PIAS1: variants seen among roughly 807,000 people sequenced by gnomAD.
The protein encoded by PIAS1 is E3 SUMO-protein ligase PIAS1.
A neutral mutation model predicts 71.3 loss-of-function variants in PIAS1; 6 were observed. The ratio of observed to expected loss-of-function variants is 0.08; its 90% CI spans 0.05 to 0.17. PIAS1 has a LOEUF of 0.17. Ranked by LOEUF, PIAS1 falls within the 10% of genes least tolerant of loss-of-function variation. PIAS1 has a pLI of 1.00. For synonymous variants in PIAS1, 303 were observed against 292.9 expected (o/e 1.03, Z -0.35); for missense variants, 555 against 793.6 (o/e 0.70, Z 3.61).
At chr15:68,159,719 T>G (rs1194136335) in intron 7 of PIAS1, among the ~76,000 whole-genome samples, 1 of 152,192 alleles carries the variant, frequency 6.6e-6, no homozygotes, top group East Asian at 1.9e-4. Flanking sequence ...TCTGATAAAT[T>G]GATGGACATT....
At position 68,191,613 on chromosome 15, in the gene PIAS1, AG is replaced by A. The variant is rs1299263088; in HGVS notation, c.*3780del. 6.6e-6 allele frequency: 1 copy of A among 152,668 alleles called. No homozygotes were observed. Among genetic ancestry groups the A allele is most frequent in the Non-Finnish European group, 1.5e-5 (1 of 68,042 alleles). 9.5% of individuals were successfully genotyped at this position (152,668 alleles called of 1,614,324 possible). A position where few individuals can be genotyped will look rare whatever the true frequency, so the allele number is the denominator to read the frequency against. ...ACTAATTTTCTTGCAGCATGCTTTGAGGTAAGTAATGAATATAGCCATCATT... is the reference window on the plus strand; with the variant it reads ...ACTAATTTTCTTGCAGCATGCTTTGAGTAAGTAATGAATATAGCCATCATT... On this transcript the variant is annotated 3_prime_UTR_variant, in exon 14 of 14. Transcript: ENST00000249636.
In PIAS1 at chr15:68,087,911, T is replaced by C. The variant is rs933028691; in HGVS notation, c.469+1161T>C. ...ACAACGTGAGTTTTGTATCACATTA[T>C]TTTATTTTTTAAGTGGCCATAATAA... On this transcript the variant is annotated intron_variant, in intron 2 of 13. Transcript: ENST00000249636. 32 of 324,278 alleles carry C rather than the reference T, an allele frequency of 9.9e-5. 1 individual carries two copies. Among genetic ancestry groups the C allele is most frequent in the South Asian group, 7.1e-4 (30 of 42,184 alleles). 20.1% of individuals were successfully genotyped at this position (324,278 alleles called of 1,614,324 possible).
intron 2 of PIAS1, among the ~76,000 whole-genome samples, chr15:68,110,347 C>T (rs1196792759): frequency 6.6e-6 from 1 of 152,102 alleles, no homozygotes; most frequent in Non-Finnish European, 1.5e-5. Flanking sequence ...GTAATCCCAG[C>T]ACTTTGGGAG....
chr15:68,068,175 C>T (rs535152679), intron 1 of PIAS1, among the ~76,000 whole-genome samples: 15 of 152,186 alleles, frequency 9.9e-5, no homozygotes, highest in Admixed American at 3.9e-4. Context: ...GAGTTTGAGA[C>T]CAGCCTGGGC....
chr15:68,092,957 TAAA>T (rs1351182353), intron 2 of PIAS1, among the ~76,000 whole-genome samples: 2 of 152,206 alleles, frequency 1.3e-5, no homozygotes, highest in Non-Finnish European at 2.9e-5. Flanking sequence ...AGTGAATTGA[TAAA>T]AAGTGATACA....
At chr15:68,104,258 G>T (rs2092451779) in intron 2 of PIAS1, among the ~76,000 whole-genome samples, 1 of 152,040 alleles carries the variant, frequency 6.6e-6, no homozygotes, top group African/African-American at 2.4e-5. Flanking sequence ...GTTACATTTG[G>T]TCTTTGTTCT....
At chr15:68,071,548 G>A (rs1424156665) in intron 1 of PIAS1, among the ~76,000 whole-genome samples, 2 of 151,590 alleles carry the variant, frequency 1.3e-5, no homozygotes, top group African/African-American at 4.8e-5. Context: ...AATAATAAAC[G>A]ATAATAGAAA....
rs575591051 is a variant in PIAS1, at chr15:68,074,294, G to A, written c.25-12012G>A. On this transcript the variant is annotated intron_variant, in intron 1 of 13. Transcript: ENST00000249636. ...GATATTGTTCTTCTTCTGTCATAGA[G>A]TTTATCTCTACTTTTTTTTCCTTTT... Among the ~76,000 whole-genome samples the A allele has an allele frequency of 4.6e-5, 7 of 152,262 alleles. 1 individual carries two copies. In the South Asian group the frequency reaches 1.5e-3, roughly 32 times the overall value.
At chr15:68,119,441 T>TAA (rs34002633) in intron 2 of PIAS1, among the ~76,000 whole-genome samples, 15 of 141,354 alleles carry the variant, frequency 1.1e-4, no homozygotes, top group African/African-American at 3.6e-4. Context: ...CAAAACTCCA[T>TAA]AAAAAAAAAA....
intron 7 of PIAS1, among the ~76,000 whole-genome samples, chr15:68,159,941 C>T (rs1367627081): frequency 2.0e-5 from 3 of 152,066 alleles, no homozygotes; most frequent in Non-Finnish European, 4.4e-5. Context: ...TTCCCACTAA[C>T]AATGTGTGAG....
chr15:68,060,844 C>T (rs541331214), intron 1 of PIAS1, among the ~76,000 whole-genome samples: 1 of 152,162 alleles, frequency 6.6e-6, no homozygotes, highest in Non-Finnish European at 1.5e-5. Context: ...CCACTGCGCC[C>T]AGCTAATTTT....
At chr15:68,152,108 C>A (rs149675631) in intron 6 of PIAS1, among the ~76,000 whole-genome samples, 3,276 of 151,088 alleles carry the variant, frequency 0.022, 120 homozygotes, top group African/African-American at 0.075. Flanking sequence ...TGCTACCACA[C>A]CCGGCTAGTT....
At chr15:68,166,499 C>G (rs1054756577) in intron 8 of PIAS1, among the ~76,000 whole-genome samples, 1 of 151,960 alleles carries the variant, frequency 6.6e-6, no homozygotes. Flanking sequence ...TTTATCCATT[C>G]CCCCATCTGT....
In PIAS1 at chr15:68,086,679, A is replaced by C; in HGVS notation, c.398A>C (p.His133Pro). The C allele has an allele frequency of 6.2e-7, 1 of 1,613,548 alleles. No individual in the cohort carries two copies. Among genetic ancestry groups the C allele is most frequent in the Non-Finnish European group, 8.5e-7 (1 of 1,179,458 alleles). The change falls in exon 2 of 14, where the codon CAT becomes CCT. Residue 133 changes from histidine (H) to proline (P), a missense_variant. Around this residue, in one of 5 missense-constraint regions of PIAS1, gnomAD observed 134 missense variants for 203.4 expected, o/e 0.66. Transcript: ENST00000249636. This position sits in a 1 kb window ranked among gnomAD's most constrained non-coding sequence, Gnocchi z 7.2. ...CTTACATCAGCTCTTCACCCAGTCC[A>C]TCCGGATATAAAACTTCAAAAATTA... ...PHLTSALHPVHPDIKLQKLPF... is the reference protein window; with the variant it reads ...PHLTSALHPVPPDIKLQKLPF...
At chr15:68,126,449 T>C (rs2141026017) in intron 2 of PIAS1, among the ~76,000 whole-genome samples, 1 of 152,294 alleles carries the variant, frequency 6.6e-6, no homozygotes, top group African/African-American at 2.4e-5. Context: ...GTTAATTGTT[T>C]TTGTTTCTGT....
chr15:68,138,198 A>C (rs2092746821), intron 2 of PIAS1, among the ~76,000 whole-genome samples: 1 of 152,096 alleles, frequency 6.6e-6, no homozygotes, highest in Non-Finnish European at 1.5e-5. Flanking sequence ...TTTCCCACTT[A>C]TGTTATTTAA....
Position 68,193,800 on chromosome 15 carries a change from A to C in PIAS1, c.*5965A>C, listed in dbSNP as rs1217560111. 6.0e-6 allele frequency: 3 copies of C among 502,114 alleles called. No homozygotes were observed. The East Asian group carries it at 9.5e-5, about 16-fold the overall frequency. The allele number at this position is 502,114 out of a possible 1,614,324, so 31.1% of individuals were successfully genotyped here. On this transcript the variant is annotated 3_prime_UTR_variant, in exon 14 of 14. Coordinates refer to ENST00000249636, the MANE Select transcript of PIAS1 (RefSeq NM_016166.3). ...TGCTTGAAAGGGCCGGACTCACGGT[A>C]GTTAATAAAATCAATACAAATCTTT...
chr15:68,173,708 T>C lies in PIAS1; in HGVS notation c.1009-24T>C, dbSNP rs755269983. 40 of 1,493,434 alleles carry C rather than the reference T, an allele frequency of 2.7e-5. No individual in the cohort carries two copies. Among genetic ancestry groups the C allele is most frequent in the Admixed American group, 1.0e-4 (5 of 48,400 alleles). The allele number at this position is 1,493,434 out of a possible 1,614,324, so 92.5% of individuals were successfully genotyped here. A position where few individuals can be genotyped will look rare whatever the true frequency, so the allele number is the denominator to read the frequency against. On this transcript the variant is annotated intron_variant, in intron 8 of 13. Transcript: ENST00000249636. This position sits in a 1 kb window ranked among gnomAD's most constrained non-coding sequence, Gnocchi z 4.3. The stretch of plus-strand genomic sequence containing the variant: ...AATGTTGAATAGCAATTATCTAATA[T>C]TTACTTTTTCTCCCTTTTTAAAGCT...
intron 2 of PIAS1, among the ~76,000 whole-genome samples, chr15:68,119,894 ACT>A (rs1004528660): frequency 1.3e-5 from 2 of 150,406 alleles, no homozygotes; most frequent in African/African-American, 2.5e-5. Context: ...CTATACAGTG[ACT>A]CTCTCTATCC....
Sources: gnomAD v4.1 joint callset for allele counts (sites outside exome capture counted in the v4.1 genomes callset) on GRCh38, gnomAD v4.1.1 for gene constraint, gnomAD v4.1.1 regional missense constraint, Gnocchi (gnomAD v3.1) non-coding constraint, MANE v1.5 for transcripts, NCBI Gene and HGNC (gene_info 2026-07-23, HGNC 2026-07-21) for gene names.